EGFLAM: variants seen among roughly 807,000 people sequenced by gnomAD.
The protein encoded by EGFLAM is EGF like, fibronectin type III and laminin G domains.
In EGFLAM, 79 loss-of-function variants were observed where a neutral mutation model predicts 113.1. The ratio of observed to expected loss-of-function variants is 0.70; its 90% CI spans 0.58 to 0.84. The LOEUF is 0.84. Ranked by LOEUF, EGFLAM falls within the 40% of genes least tolerant of loss-of-function variation. The pLI, the probability that EGFLAM is intolerant of heterozygous loss-of-function variation, is 0.00. For synonymous variants in EGFLAM, 504 were observed against 487.6 expected, an observed-to-expected ratio of 1.03 and a Z score of -0.44; for missense variants, 1,265 against 1,291.6, an observed-to-expected ratio of 0.98 and a Z score of 0.32.
intron 10 of EGFLAM, among the ~76,000 whole-genome samples, chr5:38,412,133 C>T (rs551551620): frequency 1.3e-5 from 2 of 152,248 alleles, no homozygotes; most frequent in South Asian, 4.1e-4. Context: ...ACAGGGGGTA[C>T]ATGTGCAGAT....
chr5:38,393,708 C>G (rs1740875914), intron 6 of EGFLAM, among the ~76,000 whole-genome samples: 1 of 152,246 alleles, frequency 6.6e-6, no homozygotes, highest in Non-Finnish European at 1.5e-5. Context: ...AATGCTGGCA[C>G]TGGCTGGTCA....
In EGFLAM at chr5:38,458,389, C is replaced by G. The variant is rs371848483; in HGVS notation, c.2766C>G (p.Ala922=). ...ATGGTCGGTGGCACCGAGTTAAGGC[C>G]GTTAGGTGAGTCCCTCCCGCAGCAT... ...FNDGRWHRVK[A]VRDGQSGKIT... Residue 922 remains alanine, a synonymous_variant, in exon 20 of 22, where the codon GCC becomes GCG. Transcript: ENST00000322350. The G allele has an allele frequency of 6.2e-7, 1 of 1,613,890 alleles. No individual in the cohort carries two copies. The highest frequency in any genetic ancestry group is 1.1e-5 in the South Asian group (1 of 91,064).
At chr5:38,463,790 C>T (rs1463497346) in intron 21 of EGFLAM, 42 bp from the exon 22 acceptor site, 1 of 1,605,150 alleles carries the variant, frequency 6.2e-7, no homozygotes, top group South Asian at 1.1e-5. Context: ...CTGCGGACAC[C>T]TGTCCTTTGG....
chr5:38,281,108 A>G (rs1353080565), intron 1 of EGFLAM, among the ~76,000 whole-genome samples: 1 of 152,226 alleles, frequency 6.6e-6, no homozygotes, highest in African/African-American at 2.4e-5. Flanking sequence ...TTCTATGAAT[A>G]AGTTCTAGAG....
intron 6 of EGFLAM, among the ~76,000 whole-genome samples, chr5:38,374,573 G>A (rs777381477): frequency 4.6e-5 from 7 of 152,146 alleles, no homozygotes; most frequent in African/African-American, 7.2e-5. Context: ...ACTGATTTTA[G>A]GTATTACAAT....
rs995393921 is a variant in EGFLAM, at chr5:38,258,935, C to G, written c.97+84C>G. Reference sequence around the variant, plus strand: ...GCGAGGACACAGAGCGGGCAGCGCACCGCCTCCCTCTCCCCGACCAACGTC... The same window carrying G: ...GCGAGGACACAGAGCGGGCAGCGCAGCGCCTCCCTCTCCCCGACCAACGTC... On this transcript the variant is annotated intron_variant, in intron 1 of 21. Transcript: ENST00000322350. 9 of 1,398,096 alleles carry G rather than the reference C, an allele frequency of 6.4e-6. No individual in the cohort carries two copies. The African/African-American group carries it at 1.3e-4, about 21-fold the overall frequency. 86.6% of individuals were successfully genotyped at this position (1,398,096 alleles called of 1,614,324 possible). A position where few individuals can be genotyped will look rare whatever the true frequency, so the allele number is the denominator to read the frequency against.
At chr5:38,356,896 T>C (rs1561291721) in intron 5 of EGFLAM, among the ~76,000 whole-genome samples, 1 of 152,190 alleles carries the variant, frequency 6.6e-6, no homozygotes, top group Non-Finnish European at 1.5e-5. Context: ...ACAAAACTCA[T>C]ACGTTAAATT....
At chr5:38,332,074 C>T (rs1002116304) in intron 1 of EGFLAM, among the ~76,000 whole-genome samples, 7 of 152,172 alleles carry the variant, frequency 4.6e-5, no homozygotes, top group African/African-American at 1.7e-4. Flanking sequence ...GCTCCACATC[C>T]TTGCCAAAAT....
intron 1 of EGFLAM, among the ~76,000 whole-genome samples, chr5:38,330,598 A>T (rs1579781244): frequency 1.3e-5 from 2 of 152,092 alleles, no homozygotes; most frequent in East Asian, 3.8e-4. Context: ...GAGCGTTTCT[A>T]TTTTCTGTAC....
chr5:38,284,555 A>G (rs1233979794), intron 1 of EGFLAM, among the ~76,000 whole-genome samples: 6 of 152,196 alleles, frequency 3.9e-5, no homozygotes, highest in Non-Finnish European at 7.3e-5. Context: ...TGGAAACCCA[A>G]GCCTTCAGAT....
At chr5:38,448,278 C>G (rs770375154) in intron 17 of EGFLAM, 23 bp from the exon 18 acceptor site, 2 of 1,613,918 alleles carry the variant, frequency 1.2e-6, no homozygotes, top group Non-Finnish European at 1.7e-6. Flanking sequence ...ACTATGTAAC[C>G]TCCTTTTTCT....
chr5:38,325,352 C>A (rs968853592), intron 1 of EGFLAM, among the ~76,000 whole-genome samples: 1 of 152,218 alleles, frequency 6.6e-6, no homozygotes, highest in Non-Finnish European at 1.5e-5. Flanking sequence ...CACATACTTA[C>A]TACTGGTCCC....
chr5:38,354,103 A>G (rs1435568123), intron 5 of EGFLAM, among the ~76,000 whole-genome samples: 3 of 152,152 alleles, frequency 2.0e-5, no homozygotes, highest in Non-Finnish European at 4.4e-5. Flanking sequence ...TCAAAGGAAA[A>G]TTGTGGTACA....
chr5:38,343,483 C>T (rs887150999), intron 3 of EGFLAM, among the ~76,000 whole-genome samples: 6 of 151,638 alleles, frequency 4.0e-5, no homozygotes, highest in African/African-American at 7.3e-5. Context: ...CCCTCCTGGG[C>T]GTTTTGGTAG....
In EGFLAM at chr5:38,325,462, G is replaced by A. The variant is rs1385517341; in HGVS notation, c.98-12058G>A. 2.6e-5 allele frequency among the ~76,000 whole-genome samples: 4 copies of A among 152,184 alleles called. No homozygotes were observed. In the East Asian group the frequency reaches 5.8e-4, roughly 22 times the overall value. On this transcript the variant is annotated intron_variant, in intron 1 of 21. Coordinates refer to ENST00000322350, the MANE Select transcript of EGFLAM (RefSeq NM_152403.4). The stretch of plus-strand genomic sequence containing the variant: ...TGGCAGCAATAACATTTGAGAAACC[G>A]AAATGTGCATGGACAAGTGGCGACA...
Position 38,258,580 on chromosome 5 carries a change from G to T in EGFLAM, c.-175G>T, listed in dbSNP as rs374899896. ...CTTCACTCGCGCACGCCGACCTCCC[G>T]GCTGCAGTCCTACCTCTTGGAACTA... On this transcript the variant is annotated 5_prime_UTR_variant, in exon 1 of 22. Coordinates refer to ENST00000322350, the MANE Select transcript of EGFLAM (RefSeq NM_152403.4). 39 of 616,078 alleles carry T rather than the reference G, an allele frequency of 6.3e-5. 1 individual carries two copies. The South Asian group carries it at 7.6e-4, about 12-fold the overall frequency. The allele number at this position is 616,078 out of a possible 1,614,324, so 38.2% of individuals were successfully genotyped here.
chr5:38,269,584 G>A (rs1007891719), intron 1 of EGFLAM, among the ~76,000 whole-genome samples: 3 of 151,624 alleles, frequency 2.0e-5, no homozygotes, highest in Admixed American at 2.0e-4. Flanking sequence ...CCGCCTCGCA[G>A]GTTCACGCCA....
At chr5:38,404,276 G>A (rs1413673743) in intron 6 of EGFLAM, among the ~76,000 whole-genome samples, 1 of 152,176 alleles carries the variant, frequency 6.6e-6, no homozygotes. Context: ...CCCAAGGAGG[G>A]GCCTTTGGGA....
intron 6 of EGFLAM, among the ~76,000 whole-genome samples, chr5:38,379,318 A>C (rs2112056657): frequency 6.6e-6 from 1 of 152,262 alleles, no homozygotes; most frequent in East Asian, 1.9e-4. Flanking sequence ...CCAAGGAAAA[A>C]AAGTGAATAC....
Sources: allele counts gnomAD v4.1 joint callset (sites outside exome capture counted in the v4.1 genomes callset), GRCh38; gene constraint gnomAD v4.1.1; transcripts MANE v1.5; gene names NCBI Gene and HGNC (gene_info 2026-07-23, HGNC 2026-07-21).